The following ZNF692 variants were observed in gnomAD, a reference collection of about 807,000 sequenced individuals.
ZNF692 encodes the protein AICAR responsive element binding protein.
ZNF692 carries 41 observed loss-of-function variants against 49.0 expected under a neutral mutation model. The observed-to-expected ratio is 0.84, with a 90% CI of 0.65 to 1.08. The LOEUF is 1.08. Among genes scored for constraint, ZNF692 ranks in the 50% least tolerant of loss-of-function variants. The pLI is 0.00. For synonymous variants in ZNF692, 288 were observed against 251.5 expected, an observed-to-expected ratio of 1.15 and a Z score of -1.37; for missense variants, 662 against 662.2, an observed-to-expected ratio of 1.00 and a Z score of 0.00.
At chr1:248,853,537 G>A (rs1659863502) in intron 10 of ZNF692, among the ~76,000 whole-genome samples, 1 of 152,192 alleles carries the variant, frequency 6.6e-6, no homozygotes, top group South Asian at 2.1e-4. Flanking sequence ...TCCATAGTCT[G>A]TAAGGTACAG....
At chr1:248,854,379 C>T (rs1343714072) in intron 9 of ZNF692, 2 of 239,758 alleles carry the variant, frequency 8.3e-6, no homozygotes, top group Non-Finnish European at 1.6e-5. Flanking sequence ...CTGGGTGACA[C>T]CCCTGGTTCA....
Position 248,857,443 on chromosome 1 carries a change from G to A in ZNF692, c.266C>T (p.Ala89Val), listed in dbSNP as rs200541585. 6.2e-7 allele frequency: 1 copy of A among 1,614,078 alleles called. No individual in the cohort carries two copies. Among genetic ancestry groups the A allele is most frequent in the Non-Finnish European group, 8.5e-7 (1 of 1,180,032 alleles). Reference sequence around the variant, plus strand: ...CACCAGGCTGCACTCTCGGCTGTGGGCATGAGACAAGAGCACCAGATACTG... The same window carrying A: ...CACCAGGCTGCACTCTCGGCTGTGGACATGAGACAAGAGCACCAGATACTG... ...GLQYLVLLSH[A>V]HSRECSLVPG... is the part of the protein sequence containing the mutation. Residue 89 changes from alanine to valine, a missense_variant, in exon 4 of 12, where the codon GCC becomes GTC. Transcript: ENST00000306601.
At chr1:248,857,701 C>A in intron 3 of ZNF692, 127 bp downstream of exon 3, 1 of 1,497,700 alleles carries the variant, frequency 6.7e-7, no homozygotes, top group South Asian at 1.3e-5. Context: ...TCAAACTACC[C>A]TGTGCTCCCC....
chr1:248,858,787 G>C lies in ZNF692; in HGVS notation c.-13+131C>G. On this transcript the variant is annotated intron_variant, in intron 1 of 11. Coordinates refer to ENST00000306601, the MANE Select transcript of ZNF692 (RefSeq NM_017865.4). This position sits in a 1 kb window ranked among gnomAD's most constrained non-coding sequence, Gnocchi z 4.3. ...GTGAGGCCGTGGTCAGAGGTCTGGA[G>C]GGCGCCCCCCATCCACCCCGTCTTG... is the stretch of plus-strand genomic sequence containing the variant. 1.7e-6 allele frequency: 1 copy of C among 594,156 alleles called. No individual in the cohort carries two copies. Among genetic ancestry groups the C allele is most frequent in the South Asian group, 2.0e-5 (1 of 51,046 alleles). The allele number at this position is 594,156 out of a possible 1,614,324, so 36.8% of individuals were successfully genotyped here. A position where few individuals can be genotyped will look rare whatever the true frequency, so the allele number is the denominator to read the frequency against.
In ZNF692 at chr1:248,858,572, C is replaced by T; in HGVS notation, c.-12-251G>A. 2.6e-6 allele frequency: 4 copies of T among 1,551,244 alleles called. No homozygotes were observed. Among genetic ancestry groups the T allele is most frequent in the Non-Finnish European group, 3.5e-6 (4 of 1,146,614 alleles). ...GAAGCAGTCAGAACAAAGGCCTGCG[C>T]CCTCCAGTCCACTGAAGTGGAGCTG... is the stretch of plus-strand genomic sequence containing the variant. On this transcript the variant is annotated intron_variant, in intron 1 of 11. Coordinates refer to ENST00000306601, the MANE Select transcript of ZNF692 (RefSeq NM_017865.4). The surrounding 1 kb of genome is among the most constrained non-coding windows in gnomAD (Gnocchi z 4.3).
At position 248,856,347 on chromosome 1, in the gene ZNF692, C is replaced by T. The variant is rs1049696493; in HGVS notation, c.600G>A (p.Glu200=). 6.2e-7 allele frequency: 1 copy of T among 1,611,568 alleles called. No homozygotes were observed. Among genetic ancestry groups the T allele is most frequent in the Non-Finnish European group, 8.5e-7 (1 of 1,178,674 alleles). ...EEGEEEEDND[E]DEEEMLSDAS... ...CATCACTGAGCATCTCCTCTTCATC[C>T]TCATCATTGTCCTCTTCTTCCTCAC... Residue 200 remains glutamate (E), a synonymous_variant, in exon 6 of 12, where the codon GAG becomes GAA. Coordinates refer to ENST00000306601, the MANE Select transcript of ZNF692 (RefSeq NM_017865.4).
chr1:248,855,439 GCT>G lies in ZNF692; in HGVS notation c.977_978del (p.Glu326AlafsTer5). ...PKRIRKAAKR[E>X]LMPCDFPGCG... Reference sequence around the variant, plus strand: ...CAGCCAGGGAAGTCACAAGGCATCAGCTCTCTTTTGGCAGCTTTCCTGAGGAG... The same window carrying G: ...CAGCCAGGGAAGTCACAAGGCATCAGCTCTTTTGGCAGCTTTCCTGAGGAG... On this transcript the variant is annotated frameshift_variant, in exon 9 of 12. Transcript: ENST00000306601. LOFTEE classifies it high-confidence loss of function. 2 of 1,614,146 alleles carry G rather than the reference GCT, an allele frequency of 1.2e-6. No individual in the cohort carries two copies.
At chr1:248,856,586 G>C (rs774062457) in intron 4 of ZNF692, 24 bp from the exon 5 acceptor site, 1 of 1,614,014 alleles carries the variant, frequency 6.2e-7, no homozygotes. Context: ...AAAGTCAAAA[G>C]AGAAGGAACT....
Position 248,858,252 on chromosome 1 carries a change from G to GCTGCCGCCGCTT in ZNF692, c.46_57dup (p.Lys16_Gln19dup). Reference sequence around the variant, plus strand: ...CGGCACTTGCTGCGGCGCGCGTCCAGCTGCCGCCGCTTCTCCCGCCGCCTG... The same window carrying GCTGCCGCCGCTT: ...CGGCACTTGCTGCGGCGCGCGTCCAGCTGCCGCCGCTTCTGCCGCCGCTTCTCCCGCCGCCTG... On this transcript the variant is annotated inframe_insertion, in exon 2 of 12. Transcript: ENST00000306601. The surrounding 1 kb of genome is among the most constrained non-coding windows in gnomAD (Gnocchi z 4.3). 9 of 1,581,820 alleles carry GCTGCCGCCGCTT rather than the reference G, an allele frequency of 5.7e-6. No individual in the cohort carries two copies. Among genetic ancestry groups the GCTGCCGCCGCTT allele is most frequent in the Non-Finnish European group, 6.0e-6 (7 of 1,163,856 alleles).
Position 248,857,856 on chromosome 1 carries a change from G to A in ZNF692, c.183C>T (p.Tyr61=), listed in dbSNP as rs772310091. The A allele has an allele frequency of 1.2e-6, 2 of 1,613,902 alleles. No individual in the cohort carries two copies. The highest frequency in any genetic ancestry group is 2.2e-5 in the East Asian group (1 of 44,866). Residue 61 remains tyrosine, a synonymous_variant, in exon 3 of 12, where the codon TAC becomes TAT. Transcript: ENST00000306601. The stretch of plus-strand genomic sequence containing the variant: ...CACAGAGGACACAGCCTGAAGAAGT[G>A]TACCTGCCAGCAGGAGAAGAGGCAG... The part of the protein sequence containing the change: ...SQLAKFLLDR[Y]TSSGCVLCAG...
rs771914078 is a variant in ZNF692, at chr1:248,855,408, C to T, written c.1010G>A (p.Arg337Lys). The T allele has an allele frequency of 1.8e-5, 29 of 1,614,066 alleles. No individual in the cohort carries two copies. Among genetic ancestry groups the T allele is most frequent in the Non-Finnish European group, 2.5e-5 (29 of 1,180,048 alleles). The change falls in exon 9 of 12, where the codon AGG becomes AAG. Residue 337 changes from arginine (R) to lysine (K), a missense_variant. Arg to Lys is a conservative substitution (Grantham distance 26). Coordinates refer to ENST00000306601, the MANE Select transcript of ZNF692 (RefSeq NM_017865.4). ...CAAATACTGCCGGTTGGAGAAGATC[C>T]TTCCACAGCCAGGGAAGTCACAAGG... ...LMPCDFPGCG[R>K]IFSNRQYLNH... is the part of the protein sequence containing the mutation.
At chr1:248,857,983 A>C (rs1364279470) in intron 2 of ZNF692, 124 bp from the exon 3 acceptor site, 1 of 1,551,800 alleles carries the variant, frequency 6.4e-7, no homozygotes, top group Non-Finnish European at 8.7e-7. Context: ...GGAGGGGAGC[A>C]GGACCCTCGG....
chr1:248,857,927 C>A (rs1309517371), intron 2 of ZNF692, 68 bp from the exon 3 acceptor site: 5 of 1,595,916 alleles, frequency 3.1e-6, no homozygotes, highest in Non-Finnish European at 4.3e-6. Flanking sequence ...GGCACTCACA[C>A]ATGTAAGGGG....
chr1:248,858,239 C>T lies in ZNF692; in HGVS notation c.71G>A (p.Arg24His). 40 of 1,587,566 alleles carry T rather than the reference C, an allele frequency of 2.5e-5. No homozygotes were observed. Among genetic ancestry groups the T allele is most frequent in the Non-Finnish European group, 3.2e-5 (37 of 1,167,194 alleles). ...GCCCAGGCGGATGCGGCACTTGCTG[C>T]GGCGCGCGTCCAGCTGCCGCCGCTT... ...REKRRQLDAR[R>H]SKCRIRLGGH... Residue 24 changes from arginine (R) to histidine (H), a missense_variant, in exon 2 of 12, where the codon CGC becomes CAC. By Grantham distance (29) the Arg-to-His change is conservative (BLOSUM62 0). Transcript: ENST00000306601. This position sits in a 1 kb window ranked among gnomAD's most constrained non-coding sequence, Gnocchi z 4.3.
chr1:248,851,806 GAA>G (rs1306809224), intron 10 of ZNF692, among the ~76,000 whole-genome samples: 1 of 152,180 alleles, frequency 6.6e-6, no homozygotes, highest in Non-Finnish European at 1.5e-5. Flanking sequence ...AGAAAAAAAA[GAA>G]ATTGTGATTT....
Position 248,858,328 on chromosome 1 carries a change from G to T in ZNF692, c.-12-7C>A. On this transcript the variant is annotated splice_polypyrimidine_tract_variant and splice_region_variant and intron_variant, in intron 1 of 11. Coordinates refer to ENST00000306601, the MANE Select transcript of ZNF692 (RefSeq NM_017865.4). The surrounding 1 kb of genome is among the most constrained non-coding windows in gnomAD (Gnocchi z 4.3). ...AAGCCATGTGCACCAGAGGCTGGAG[G>T]GTGGAAGGGACGTCTTCAGCGCCCT... The T allele has an allele frequency of 1.3e-6, 2 of 1,546,458 alleles. No individual in the cohort carries two copies.
In ZNF692 at chr1:248,858,463, A is replaced by G; in HGVS notation, c.-12-142T>C. ...ATTTCAATAGCAGTGGCAGGTGTGG[A>G]GCCAAACCCCGTCCTTCTATGATAC... On this transcript the variant is annotated intron_variant, in intron 1 of 11. Coordinates refer to ENST00000306601, the MANE Select transcript of ZNF692 (RefSeq NM_017865.4). The surrounding 1 kb of genome is among the most constrained non-coding windows in gnomAD (Gnocchi z 4.3). 1 of 1,551,626 alleles carries G rather than the reference A, an allele frequency of 6.4e-7. No individual in the cohort carries two copies. The highest frequency in any genetic ancestry group is 1.2e-5 in the South Asian group (1 of 84,062).
In ZNF692 at chr1:248,850,741, G is replaced by C. The variant is rs747362715; in HGVS notation, c.1194C>G (p.Phe398Leu). The change falls in exon 11 of 12, where the codon TTC becomes TTG. Residue 398 changes from phenylalanine to leucine, a missense_variant. Coordinates refer to ENST00000306601, the MANE Select transcript of ZNF692 (RefSeq NM_017865.4). ...DYICEFCARS[F>L]RTSSNLVIHR... ...GGATGACAAGGTTGCTGCTAGTGCG[G>C]AAAGACCGGGCGCAGAACTCACAGA... 1.2e-6 allele frequency: 2 copies of C among 1,614,004 alleles called. No individual in the cohort carries two copies. The highest frequency in any genetic ancestry group is 1.7e-6 in the Non-Finnish European group (2 of 1,180,012).
chr1:248,856,407 T>TG lies in ZNF692; in HGVS notation c.539dup (p.Pro181ThrfsTer13), dbSNP rs746076579. 3.7e-6 allele frequency: 6 copies of TG among 1,613,172 alleles called. No individual in the cohort carries two copies. In the Admixed American group the frequency reaches 8.3e-5, roughly 22 times the overall value. On this transcript the variant is annotated frameshift_variant, in exon 6 of 12. Coordinates refer to ENST00000306601, the MANE Select transcript of ZNF692 (RefSeq NM_017865.4). LOFTEE classifies it high-confidence loss of function. The stretch of plus-strand genomic sequence containing the variant: ...CTCCTGGAGGTGGGAAGGTCTCTGG[T>TG]GGGGGTCCCACCCTCCTGCAGGCCC...
Sources: gnomAD v4.1 joint callset for allele counts (sites outside exome capture counted in the v4.1 genomes callset) on GRCh38, gnomAD v4.1.1 for gene constraint, Gnocchi (gnomAD v3.1) non-coding constraint, MANE v1.5 for transcripts, NCBI Gene and HGNC (gene_info 2026-07-23, HGNC 2026-07-21) for gene names.